Variants in TMX3 observed in about 807,000 individuals in gnomAD.
TMX3 encodes thioredoxin related transmembrane protein 3.
In TMX3, 40 loss-of-function variants were observed where a neutral mutation model predicts 64.4. That is an observed-to-expected ratio of 0.62 (90% CI 0.48 to 0.81). The LOEUF is 0.81. TMX3 is among the 30% of genes least tolerant of loss of function. TMX3 has a pLI of 0.00. For synonymous variants in TMX3, 189 were observed against 175.7 expected, an observed-to-expected ratio of 1.08 and a Z score of -0.60; for missense variants, 497 against 534.5, an observed-to-expected ratio of 0.93 and a Z score of 0.69.
chr18:68,697,158 AGTTT>A (rs1915173808), intron 8 of TMX3, 64 bp downstream of exon 8: 3 of 797,080 alleles, frequency 3.8e-6, no homozygotes, highest in Non-Finnish European at 6.0e-6. Flanking sequence ...ATCACAATTT[AGTTT>A]ATTAAATCAA....
At chr18:68,677,260 A>G in intron 15 of TMX3, 67 bp from the exon 16 acceptor site, 3 of 1,489,296 alleles carry the variant, frequency 2.0e-6, no homozygotes, top group Non-Finnish European at 2.7e-6. Flanking sequence ...CATGAAATGA[A>G]CTTGAAACCA....
At chr18:68,696,854 G>A (rs1344660870) in intron 8 of TMX3, 1 of 167,276 alleles carries the variant, frequency 6.0e-6, no homozygotes, top group East Asian at 1.8e-4. Flanking sequence ...TCAGTTTGAG[G>A]ACCCAAAAAA....
intron 13 of TMX3, among the ~76,000 whole-genome samples, chr18:68,682,280 C>T (rs1004265771): frequency 4.6e-5 from 7 of 152,092 alleles, no homozygotes; most frequent in African/African-American, 1.7e-4. Context: ...CTTCTTGTTT[C>T]ACATTTATTA....
At chr18:68,709,439 G>C (rs915393712) in intron 4 of TMX3, among the ~76,000 whole-genome samples, 1 of 152,146 alleles carries the variant, frequency 6.6e-6, no homozygotes. Context: ...GCCATAAACA[G>C]ATAACAAATA....
At chr18:68,687,815 G>C in intron 9 of TMX3, 50 bp from the exon 10 acceptor site, 2 of 1,404,874 alleles carry the variant, frequency 1.4e-6, no homozygotes, top group Non-Finnish European at 2.0e-6. Context: ...ATGAATTTAA[G>C]AGTTATAATA....
chr18:68,683,031 G>GGAGA, intron 12 of TMX3, 50 bp from the exon 13 acceptor site: 1 of 1,509,484 alleles, frequency 6.6e-7, no homozygotes, highest in Non-Finnish European at 9.1e-7. Flanking sequence ...GGGGGTGGGG[G>GGAGA]GAGAGAGAGA....
chr18:68,676,736 T>C lies in TMX3; in HGVS notation c.*197A>G. 2 of 642,338 alleles carry C rather than the reference T, an allele frequency of 3.1e-6. No individual in the cohort carries two copies. The highest frequency in any genetic ancestry group is 4.3e-5 in the South Asian group (2 of 46,088). 39.8% of individuals were successfully genotyped at this position (642,338 alleles called of 1,614,324 possible). On this transcript the variant is annotated 3_prime_UTR_variant, in exon 16 of 16. Transcript: ENST00000299608. Reference sequence around the variant, plus strand: ...ATTTTGATGGAGTGCTCTGTGTTTGTTTCAGACAAACTGTTCATCTCTTTG... The same window carrying C: ...ATTTTGATGGAGTGCTCTGTGTTTGCTTCAGACAAACTGTTCATCTCTTTG...
At chr18:68,697,720 A>C (rs778949838) in intron 7 of TMX3, 2 of 471,888 alleles carry the variant, frequency 4.2e-6, no homozygotes, top group Non-Finnish European at 7.4e-6. Flanking sequence ...GGCAGGCAAC[A>C]TTTACTCACT....
chr18:68,685,988 T>C (rs910544075), intron 10 of TMX3, among the ~76,000 whole-genome samples: 1 of 152,084 alleles, frequency 6.6e-6, no homozygotes, highest in African/African-American at 2.4e-5. Context: ...GTAAAAATGA[T>C]AAAATAATAG....
chr18:68,696,411 A>G (rs1242931087), intron 8 of TMX3, among the ~76,000 whole-genome samples: 1 of 151,666 alleles, frequency 6.6e-6, no homozygotes, highest in Non-Finnish European at 1.5e-5. Context: ...TGACCTTGTG[A>G]TCTGCCTGCC....
intron 3 of TMX3, among the ~76,000 whole-genome samples, chr18:68,710,584 C>T (rs2031177292): frequency 1.3e-5 from 2 of 152,102 alleles, no homozygotes; most frequent in East Asian, 3.9e-4. Context: ...TCTATTGTAA[C>T]CACTGGCAAG....
In TMX3 at chr18:68,675,117, C is replaced by G. The variant is rs901140719; in HGVS notation, c.*1816G>C. On this transcript the variant is annotated 3_prime_UTR_variant, in exon 16 of 16. Transcript: ENST00000299608. ...TGACTGCTAAGTTTTCACTTCCTTA[C>G]TAGGCTGAGTTTCAAATGAGGTATC... is the stretch of plus-strand genomic sequence containing the variant. 5.9e-5 allele frequency: 9 copies of G among 152,114 alleles called. No homozygotes were observed. The allele number at this position is 152,114 out of a possible 1,614,324, so 9.4% of individuals were successfully genotyped here.
chr18:68,691,078 A>G (rs951357772), intron 9 of TMX3: 4 of 394,450 alleles, frequency 1.0e-5, no homozygotes, highest in Admixed American at 4.5e-5. Context: ...AACAAACAAC[A>G]ACAAAAAGAA....
chr18:68,710,548 C>G lies in TMX3; in HGVS notation c.142-404G>C, dbSNP rs531063877. Among the ~76,000 whole-genome samples, 198 of 148,300 alleles carry G rather than the reference C, an allele frequency of 1.3e-3. 1 individual carries two copies. Among genetic ancestry groups the G allele is most frequent in the African/African-American group, 4.9e-3 (185 of 37,808 alleles). On this transcript the variant is annotated intron_variant, in intron 3 of 15. Coordinates refer to ENST00000299608, the MANE Select transcript of TMX3 (RefSeq NM_019022.5). ...CAATCTACTTCTATTACAAAAATGT[C>G]AACATAGTAGGTGACTTTGCTGAGT...
chr18:68,689,652 G>A (rs762570921), intron 9 of TMX3: 1 of 152,130 alleles, frequency 6.6e-6, no homozygotes, highest in Non-Finnish European at 1.5e-5. Flanking sequence ...CAAAGAGCAG[G>A]TGAATAGACT....
At chr18:68,681,429 T>G in intron 13 of TMX3, 1 of 974,018 alleles carries the variant, frequency 1.0e-6, no homozygotes, top group Non-Finnish European at 1.2e-6. Flanking sequence ...TTCAAACTTA[T>G]GTTGTTCAAC....
chr18:68,681,277 T>C (rs763197380), intron 13 of TMX3, 167 bp from the exon 14 acceptor site: 42 of 628,316 alleles, frequency 6.7e-5, no homozygotes, highest in Non-Finnish European at 9.0e-5. Flanking sequence ...GTGTATTTTA[T>C]GCATTCATGA....
intron 4 of TMX3, among the ~76,000 whole-genome samples, chr18:68,704,480 A>G (rs1269353542): frequency 6.6e-6 from 1 of 152,168 alleles, no homozygotes; most frequent in Non-Finnish European, 1.5e-5. Context: ...AGAGCAAACA[A>G]TTTTGTAAGG....
At chr18:68,707,696 A>AT (rs926743347) in intron 4 of TMX3, among the ~76,000 whole-genome samples, 2 of 152,140 alleles carry the variant, frequency 1.3e-5, no homozygotes, top group African/African-American at 4.8e-5. Context: ...GCAATTTGCC[A>AT]TTTTTGAGAC....
Sources: allele counts gnomAD v4.1 joint callset (sites outside exome capture counted in the v4.1 genomes callset), GRCh38; gene constraint gnomAD v4.1.1; transcripts MANE v1.5; gene names NCBI Gene and HGNC (gene_info 2026-07-23, HGNC 2026-07-21).